The following TNXB variants were observed in gnomAD, a reference collection of about 807,000 sequenced individuals.
TNXB encodes tenascin-X.
TNXB carries 183 observed loss-of-function variants against 340.5 expected under a neutral mutation model. The ratio of observed to expected loss-of-function variants is 0.54; its 90% confidence interval spans 0.48 to 0.61. TNXB has a LOEUF of 0.61. Ranked by LOEUF, TNXB falls within the 20% of genes least tolerant of loss-of-function variation. The pLI is 0.00. For synonymous variants in TNXB, 2,121 were observed against 2,314.5 expected (o/e 0.92, Z 2.40); for missense variants, 4,613 against 5,446.4 (o/e 0.85, Z 4.82).
At position 32,052,878 on chromosome 6, in the gene TNXB, G is replaced by C. The variant is rs1777376833; in HGVS notation, c.8907C>G (p.Ser2969Arg). ...TVTGSSPDSL[S>R]LSWTIPQGRF... is the part of the protein sequence containing the mutation. ...GGCCCTGGGGGATGGTCCAGGAGAG[G>C]CTCAGCGAGTCAGGGGAGGATCCTG... Residue 2969 changes from serine (S) to arginine (R), a missense_variant, in exon 26 of 44, where the codon AGC becomes AGG. This residue lies in a region of TNXB where 4,327 missense variants were observed against 4,859.4 expected (regional missense o/e 0.89). Transcript: ENST00000644971. The surrounding 1 kb of genome is among the most constrained non-coding windows in gnomAD (Gnocchi z 4.7). 1 of 1,613,072 alleles carries C rather than the reference G, an allele frequency of 6.2e-7. No homozygotes were observed. The highest frequency in any genetic ancestry group is 1.1e-5 in the South Asian group (1 of 91,070).
Position 32,074,074 on chromosome 6 carries a change from G to A in TNXB, c.4376-122C>T, listed in dbSNP as rs1562838891. 1.0e-6 allele frequency: 1 copy of A among 960,384 alleles called. No individual in the cohort carries two copies. Among genetic ancestry groups the A allele is most frequent in the South Asian group, 2.2e-5 (1 of 46,274 alleles). 59.5% of individuals were successfully genotyped at this position (960,384 alleles called of 1,614,324 possible). The stretch of plus-strand genomic sequence containing the variant: ...TGGAGTCTCGCTGTCACCCAGAGCA[G>A]TGGGCGACCTCGGCTCACTGCAGCC... On this transcript the variant is annotated intron_variant, in intron 11 of 43. Coordinates refer to ENST00000644971, the MANE Select transcript of TNXB (RefSeq NM_001365276.2). The surrounding 1 kb of genome is among the most constrained non-coding windows in gnomAD (Gnocchi z 5.5).
At chr6:32,055,158 A>C (rs1777550893) in intron 24 of TNXB, among the ~76,000 whole-genome samples, 1 of 152,202 alleles carries the variant, frequency 6.6e-6, no homozygotes, top group South Asian at 2.1e-4. Flanking sequence ...ACAGCGTCTA[A>C]TAAAGAGCAA....
chr6:32,093,219 G>A, intron 4 of TNXB: 1 of 607,792 alleles, frequency 1.6e-6, no homozygotes, highest in Non-Finnish European at 3.0e-6. Flanking sequence ...GAGAGTGGGA[G>A]AAACACTTTA....
rs754729554 is a variant in TNXB, at chr6:32,097,113, C to T, written c.740G>A (p.Arg247His). ...CTGGCTGCAACCTCGAGGGCAGGAGCGCTGGCTGCAGTCGGGGCCTGAGAA... is the reference window on the plus strand; with the variant it reads ...CTGGCTGCAACCTCGAGGGCAGGAGTGCTGGCTGCAGTCGGGGCCTGAGAA... ...AGFSGPDCSQRSCPRGCSQRG... is the reference protein window; with the variant it reads ...AGFSGPDCSQHSCPRGCSQRG... The change falls in exon 3 of 44, where the codon CGC becomes CAC. Residue 247 changes from arginine (R) to histidine (H), a missense_variant. Physicochemically the swap from Arg to His is conservative, Grantham distance 29. This residue lies in a region of TNXB where 4,327 missense variants were observed against 4,859.4 expected (regional missense o/e 0.89). Transcript: ENST00000644971. The surrounding 1 kb of genome is among the most constrained non-coding windows in gnomAD (Gnocchi z 5.9). 1.9e-6 allele frequency: 3 copies of T among 1,612,154 alleles called. No homozygotes were observed. Among genetic ancestry groups the T allele is most frequent in the Non-Finnish European group, 2.5e-6 (3 of 1,179,228 alleles).
Position 32,064,732 on chromosome 6 carries a change from G to A in TNXB, c.6841+89C>T, listed in dbSNP as rs186334289. 430 of 1,509,188 alleles carry A rather than the reference G, an allele frequency of 2.8e-4. No individual in the cohort carries two copies. The highest frequency in any genetic ancestry group is 3.5e-4 in the Non-Finnish European group (397 of 1,129,740). 93.5% of individuals were successfully genotyped at this position (1,509,188 alleles called of 1,614,324 possible). ...GGAGCTTGGGAGGCTTGGTCTCAGG[G>A]AAAGTAAAATAAAGCCACCAGATAC... On this transcript the variant is annotated intron_variant, in intron 19 of 43. Transcript: ENST00000644971. This position sits in a 1 kb window ranked among gnomAD's most constrained non-coding sequence, Gnocchi z 5.3.
chr6:32,062,376 C>T lies in TNXB; in HGVS notation c.6949G>A (p.Asp2317Asn). 2.5e-6 allele frequency: 4 copies of T among 1,613,354 alleles called. No individual in the cohort carries two copies. Among genetic ancestry groups the T allele is most frequent in the Non-Finnish European group, 3.4e-6 (4 of 1,179,882 alleles). The change falls in exon 20 of 44, where the codon GAC becomes AAC. Residue 2317 changes from aspartate to asparagine, a missense_variant. Coordinates refer to ENST00000644971, the MANE Select transcript of TNXB (RefSeq NM_001365276.2). The surrounding 1 kb of genome is among the most constrained non-coding windows in gnomAD (Gnocchi z 4.3). ...ACCGTCCAGGACAGGCTGAGGGAGT[C>T]AGGGGTCGCATCTGTCACGGTCAGC... ...EELTVTDATP[D>N]SLSLSWTVPE...
intron 23 of TNXB, among the ~76,000 whole-genome samples, 156 bp downstream of exon 23, chr6:32,056,430 G>T (rs1777646874): frequency 6.6e-6 from 1 of 152,102 alleles, no homozygotes. Context: ...GAGGAGCCAG[G>T]GGTCAGCCTC....
In TNXB at chr6:32,096,274, G is replaced by A. The variant is rs759953982; in HGVS notation, c.1579C>T (p.Arg527Cys). Residue 527 changes from arginine (R) to cysteine (C), a missense_variant, in exon 3 of 44, where the codon CGC (arginine) becomes TGC (cysteine). This residue lies in a region of TNXB where 4,327 missense variants were observed against 4,859.4 expected (regional missense o/e 0.89). Coordinates refer to ENST00000644971, the MANE Select transcript of TNXB (RefSeq NM_001365276.2). The stretch of plus-strand genomic sequence containing the variant: ...TGCCCACGGCAGTCCCCGGGACAGC[G>A]ACGGCTCCCACAGTCCTCACCGGTG... ...GFTGEDCGSRRCPGDCRGHGL... is the reference protein window; with the variant it reads ...GFTGEDCGSRCCPGDCRGHGL... 3 of 1,560,526 alleles carry A rather than the reference G, an allele frequency of 1.9e-6. No individual in the cohort carries two copies. The highest frequency in any genetic ancestry group is 4.8e-5 in the East Asian group (2 of 41,910).
Position 32,082,188 on chromosome 6 carries a change from T to A in TNXB, c.3584A>T (p.Asp1195Val), listed in dbSNP as rs752324242. Residue 1195 changes from aspartate (D) to valine (V), a missense_variant, in exon 9 of 44, where the codon GAC becomes GTC. By Grantham distance (152) the Asp-to-Val change is radical (BLOSUM62 -3). Around this residue, in one of 7 missense-constraint regions of TNXB, gnomAD observed 4,327 missense variants for 4,859.4 expected, o/e 0.89. Transcript: ENST00000644971. The surrounding 1 kb of genome is among the most constrained non-coding windows in gnomAD (Gnocchi z 5.0). ...TACCACCTGGGGCCGTCCATCCCTG[T>A]CCCTGTACTGGACCATGAAGGTGTC... ...QFDTFMVQYRDRDGRPQVVPV... is the reference protein window; with the variant it reads ...QFDTFMVQYRVRDGRPQVVPV... 1 of 1,612,688 alleles carries A rather than the reference T, an allele frequency of 6.2e-7. No individual in the cohort carries two copies. Among genetic ancestry groups the A allele is most frequent in the Non-Finnish European group, 8.5e-7 (1 of 1,179,668 alleles).
chr6:32,073,888 C>T lies in TNXB; in HGVS notation c.4440G>A (p.Leu1480=). 1 of 1,610,114 alleles carries T rather than the reference C, an allele frequency of 6.2e-7. No individual in the cohort carries two copies. The highest frequency in any genetic ancestry group is 1.1e-5 in the South Asian group (1 of 90,264). ...AGTTGGGGGTCACATCTGTCACTGT[C>T]AGCTCTCCTAGGCGTGGCTCCAGCG... The part of the protein sequence containing the change: ...ESPLEPRLGE[L]TVTDVTPNSV... The change falls in exon 12 of 44, where the codon CTG becomes CTA. Residue 1480 remains leucine (L), a synonymous_variant. Transcript: ENST00000644971. This position sits in a 1 kb window ranked among gnomAD's most constrained non-coding sequence, Gnocchi z 4.6.
chr6:32,058,430 A>G lies in TNXB; in HGVS notation c.7493-40T>C. On this transcript the variant is annotated intron_variant, in intron 21 of 43. Transcript: ENST00000644971. The surrounding 1 kb of genome is among the most constrained non-coding windows in gnomAD (Gnocchi z 5.1). The stretch of plus-strand genomic sequence containing the variant: ...AGGGGGATACAGAGTTTAAGGGTTT[A>G]AGGGCAACTTGCTTTGCTGGTGCTG... 3 of 1,479,232 alleles carry G rather than the reference A, an allele frequency of 2.0e-6. No homozygotes were observed. Among genetic ancestry groups the G allele is most frequent in the Non-Finnish European group, 2.7e-6 (3 of 1,101,420 alleles). The allele number at this position is 1,479,232 out of a possible 1,614,324, so 91.6% of individuals were successfully genotyped here. A position where few individuals can be genotyped will look rare whatever the true frequency, so the allele number is the denominator to read the frequency against.
intron 21 of TNXB, among the ~76,000 whole-genome samples, chr6:32,060,204 T>C (rs1777923379): frequency 6.6e-6 from 1 of 151,608 alleles, no homozygotes; most frequent in Non-Finnish European, 1.5e-5. Context: ...TGGTGGCGCA[T>C]GCCTGTAATC....
rs750816311 is a variant in TNXB, at chr6:32,049,354, C to T, written c.9673G>A (p.Glu3225Lys). 5.6e-6 allele frequency: 9 copies of T among 1,612,382 alleles called. No homozygotes were observed. The highest frequency in any genetic ancestry group is 5.1e-6 in the Non-Finnish European group (6 of 1,179,870). ...EESEVTVGGLEPGRKYKMHLY... is the reference protein window; with the variant it reads ...EESEVTVGGLKPGRKYKMHLY... The stretch of plus-strand genomic sequence containing the variant: ...TGCATCTTGTATTTGCGCCCGGGCT[C>T]CAGGCCCCCCACGGTGACCTCGCTC... The change falls in exon 28 of 44, where the codon GAG (glutamate) becomes AAG (lysine). Residue 3225 changes from glutamate (E) to lysine (K), a missense_variant. Physicochemically the swap from Glu to Lys is moderately conservative, Grantham distance 56. This residue lies in a region of TNXB where 4,327 missense variants were observed against 4,859.4 expected (regional missense o/e 0.89). Coordinates refer to ENST00000644971, the MANE Select transcript of TNXB (RefSeq NM_001365276.2). The surrounding 1 kb of genome is among the most constrained non-coding windows in gnomAD (Gnocchi z 4.5).
At chr6:32,078,115 G>GAAAGAAAC (rs1449547216) in intron 11 of TNXB, among the ~76,000 whole-genome samples, 7 of 148,604 alleles carry the variant, frequency 4.7e-5, no homozygotes, top group African/African-American at 1.7e-4. Context: ...AAGAAAGAAA[G>GAAAGAAAC]AAAGAAAGAA....
chr6:32,073,698 C>T lies in TNXB; in HGVS notation c.4630G>A (p.Gly1544Arg), dbSNP rs1360920030. 1 of 1,611,276 alleles carries T rather than the reference C, an allele frequency of 6.2e-7. No individual in the cohort carries two copies. Among genetic ancestry groups the T allele is most frequent in the Non-Finnish European group, 8.5e-7 (1 of 1,179,188 alleles). ...PERKYKMNMY[G>R]LHDGQRMGPL... ...CCCATGCGTTGCCCATCATGTAGTC[C>T]ATACATGTTCATCTTATATTTTCTC... The change falls in exon 12 of 44, where the codon GGA becomes AGA. Residue 1544 changes from glycine to arginine, a missense_variant. Coordinates refer to ENST00000644971, the MANE Select transcript of TNXB (RefSeq NM_001365276.2). This position sits in a 1 kb window ranked among gnomAD's most constrained non-coding sequence, Gnocchi z 4.6.
Position 32,096,168 on chromosome 6 carries a change from C to T in TNXB, c.1685G>A (p.Gly562Asp), listed in dbSNP as rs1780335473. The change falls in exon 3 of 44, where the codon GGC (glycine) becomes GAC (aspartate). Residue 562 changes from glycine (G) to aspartate (D), a missense_variant. By Grantham distance (94) the Gly-to-Asp change is moderately conservative (BLOSUM62 -1). Around this residue, in one of 7 missense-constraint regions of TNXB, gnomAD observed 4,327 missense variants for 4,859.4 expected, o/e 0.89. Transcript: ENST00000644971. ...TAGGCACTGGCCGCGGCCTCGGCAG[C>T]CCCCGGGGCAGCTGCGCGTGCTGCA... Reference protein sequence around the residue: ...EDCSTRSCPGGCRGRGQCLDG... With the variant: ...EDCSTRSCPGDCRGRGQCLDG... The T allele has an allele frequency of 8.9e-6, 14 of 1,576,710 alleles. No individual in the cohort carries two copies. The highest frequency in any genetic ancestry group is 1.2e-5 in the Non-Finnish European group (14 of 1,163,740).
In TNXB at chr6:32,060,415, G is replaced by A. The variant is rs937189747; in HGVS notation, c.7492+982C>T. Among the ~76,000 whole-genome samples, 6 of 146,942 alleles carry A rather than the reference G, an allele frequency of 4.1e-5. No individual in the cohort carries two copies. In the South Asian group the frequency reaches 1.3e-3, roughly 31 times the overall value. ...ACAGATGGAGTGTAAAGAAGGAGAAGACATTATATATTTTCTCTTTTCCCT... is the reference window on the plus strand; with the variant it reads ...ACAGATGGAGTGTAAAGAAGGAGAAAACATTATATATTTTCTCTTTTCCCT... On this transcript the variant is annotated intron_variant, in intron 21 of 43. Coordinates refer to ENST00000644971, the MANE Select transcript of TNXB (RefSeq NM_001365276.2).
Position 32,049,210 on chromosome 6 carries a change from G to A in TNXB, c.9757+60C>T. ...TCAAAAGAGGTGCCAAGATCCAAAGGAGAAACACAAGGGGGCTGCAGAGGT... is the reference window on the plus strand; with the variant it reads ...TCAAAAGAGGTGCCAAGATCCAAAGAAGAAACACAAGGGGGCTGCAGAGGT... On this transcript the variant is annotated intron_variant, in intron 28 of 43. Transcript: ENST00000644971. The surrounding 1 kb of genome is among the most constrained non-coding windows in gnomAD (Gnocchi z 4.5). 6.5e-7 allele frequency: 1 copy of A among 1,544,208 alleles called. No individual in the cohort carries two copies. Among genetic ancestry groups the A allele is most frequent in the South Asian group, 1.2e-5 (1 of 82,942 alleles).
Position 32,085,630 on chromosome 6 carries a change from C to T in TNXB, c.3148+120G>A. Reference sequence around the variant, plus strand: ...TCTCTCCTTTTCTCCTCTATCCAGCCCCAAACATCAGCCCTGCCCTTCACT... The same window carrying T: ...TCTCTCCTTTTCTCCTCTATCCAGCTCCAAACATCAGCCCTGCCCTTCACT... On this transcript the variant is annotated intron_variant, in intron 7 of 43. Coordinates refer to ENST00000644971, the MANE Select transcript of TNXB (RefSeq NM_001365276.2). The surrounding 1 kb of genome is among the most constrained non-coding windows in gnomAD (Gnocchi z 6.4). The T allele has an allele frequency of 8.2e-7, 1 of 1,212,498 alleles. No individual in the cohort carries two copies. Among genetic ancestry groups the T allele is most frequent in the African/African-American group, 1.5e-5 (1 of 65,716 alleles). 75.1% of individuals were successfully genotyped at this position (1,212,498 alleles called of 1,614,324 possible). A position where few individuals can be genotyped will look rare whatever the true frequency, so the allele number is the denominator to read the frequency against.
Sources: gnomAD v4.1 joint callset for allele counts (sites outside exome capture counted in the v4.1 genomes callset) on GRCh38, gnomAD v4.1.1 for gene constraint, gnomAD v4.1.1 regional missense constraint, Gnocchi (gnomAD v3.1) non-coding constraint, MANE v1.5 for transcripts, NCBI Gene and HGNC (gene_info 2026-07-23, HGNC 2026-07-21) for gene names.